PARVB: variants seen among roughly 807,000 people sequenced by gnomAD.
PARVB encodes the protein beta-parvin.
Under a neutral mutation model 47.0 loss-of-function variants are expected in PARVB, and 46 were observed. The observed-to-expected ratio is 0.98, with a 90% CI of 0.77 to 1.25. The LOEUF is 1.25. PARVB is among the 50% of genes most tolerant of loss of function. The pLI, the probability that PARVB is intolerant of heterozygous loss-of-function variation, is 0.00. For missense variants in PARVB, 473 were observed against 471.6 expected (o/e 1.00, Z -0.03); for synonymous variants, 196 against 196.3 (o/e 1.00, Z 0.01).
chr22:44,099,221 A>G (rs150912035), intron 2 of PARVB, among the ~76,000 whole-genome samples: 26 of 152,272 alleles, frequency 1.7e-4, no homozygotes, highest in African/African-American at 4.3e-4. Context: ...CAGGTCCCGG[A>G]GCTGGACAGT....
chr22:44,124,487 C>T (rs932320219), intron 4 of PARVB, among the ~76,000 whole-genome samples: 8 of 152,116 alleles, frequency 5.3e-5, no homozygotes, highest in Non-Finnish European at 1.0e-4. Flanking sequence ...AGGGTCTCCC[C>T]ATGGGCTGTC....
chr22:44,120,346 G>A (rs922988186), intron 4 of PARVB, among the ~76,000 whole-genome samples: 1 of 152,188 alleles, frequency 6.6e-6, no homozygotes, highest in Non-Finnish European at 1.5e-5. Flanking sequence ...TCTTTCATCT[G>A]GAACCGCCTT....
chr22:44,131,650 A>G (rs1300268657), intron 5 of PARVB, 23 bp downstream of exon 5: 6 of 1,590,766 alleles, frequency 3.8e-6, no homozygotes, highest in Non-Finnish European at 5.1e-6. Flanking sequence ...CCACAGGGGG[A>G]GGGACTGTCT....
At chr22:44,156,443 T>C (rs949134204) in intron 10 of PARVB, among the ~76,000 whole-genome samples, 1 of 152,014 alleles carries the variant, frequency 6.6e-6, no homozygotes. Flanking sequence ...CCACACCCGC[T>C]AATTTTTGTA....
chr22:44,021,756 GACTCACACACACACACACACACACAC>G (rs997650668), upstream of PARVB, among the ~76,000 whole-genome samples: 6 of 105,096 alleles, frequency 5.7e-5, no homozygotes, highest in South Asian at 8.6e-4. Flanking sequence ...GTAAAGTCTA[GACTCACACACACACACACACACACAC>G]ACACACACAC....
chr22:44,136,373 C>T (rs190594786), intron 6 of PARVB, 87 bp from the exon 7 acceptor site: 874 of 1,170,650 alleles, frequency 7.5e-4, no homozygotes, highest in South Asian at 1.7e-3. Context: ...AGATGATCTC[C>T]GGCCCCGCAG....
At position 44,100,163 on chromosome 22, in the gene PARVB, C is replaced by T. The variant is rs55853196; in HGVS notation, c.273+40C>T. The T allele has an allele frequency of 0.018, 26,875 of 1,526,796 alleles. 298 individuals are homozygous for T. The highest frequency in any genetic ancestry group is 0.044 in the Middle Eastern group (259 of 5,884). The allele number at this position is 1,526,796 out of a possible 1,614,324, so 94.6% of individuals were successfully genotyped here. A position where few individuals can be genotyped will look rare whatever the true frequency, so the allele number is the denominator to read the frequency against. The stretch of plus-strand genomic sequence containing the variant: ...CTTGGTTGGAATCTTCCTCTTAGGG[C>T]GAGGACTTGGCTTTGGGGTTCAGGG... On this transcript the variant is annotated intron_variant, in intron 3 of 12. Transcript: ENST00000338758.
chr22:44,087,961 G>A (rs5764511), intron 1 of PARVB, among the ~76,000 whole-genome samples: 5 of 150,574 alleles, frequency 3.3e-5, no homozygotes, highest in Admixed American at 1.3e-4. Context: ...GACGCTTCCC[G>A]AGGGGTGGCT....
chr22:44,171,167 G>A lies in PARVB; in HGVS notation c.*2489G>A, dbSNP rs2054264721. 6.6e-6 allele frequency: 1 copy of A among 152,376 alleles called. No individual in the cohort carries two copies. The highest frequency in any genetic ancestry group is 6.5e-5 in the Admixed American group (1 of 15,286). 9.4% of individuals were successfully genotyped at this position (152,376 alleles called of 1,614,324 possible). ...CCCTGCTCACAGGTGGACCTGGAGA[G>A]GGCACTGTGCCTTCCCAGGGATTGG... On this transcript the variant is annotated 3_prime_UTR_variant, in exon 13 of 13. Transcript: ENST00000338758.
chr22:44,008,790 C>T (rs543686273), intron 2 of PARVB, among the ~76,000 whole-genome samples: 1 of 151,940 alleles, frequency 6.6e-6, no homozygotes, highest in Admixed American at 6.6e-5. Flanking sequence ...TCGAGATCAT[C>T]ATGGCTAACA....
intron 1 of PARVB, among the ~76,000 whole-genome samples, chr22:44,054,378 C>G (rs1358555107): frequency 1.3e-5 from 2 of 152,170 alleles, no homozygotes; most frequent in African/African-American, 4.8e-5. Flanking sequence ...CAACGCTTGG[C>G]TAACTTTTAA....
intron 4 of PARVB, among the ~76,000 whole-genome samples, chr22:44,127,443 A>G (rs938202230): frequency 2.0e-5 from 3 of 152,228 alleles, no homozygotes; most frequent in Non-Finnish European, 2.9e-5. Context: ...GATGCCAGGA[A>G]TGACACTGAT....
chr22:44,151,350 T>A (rs1343919218), intron 9 of PARVB, 133 bp from the exon 10 acceptor site: 6 of 682,136 alleles, frequency 8.8e-6, no homozygotes, highest in Non-Finnish European at 1.6e-5. Flanking sequence ...AAACATGGGC[T>A]TTTTATTTTA....
chr22:44,074,092 AT>A (rs2051713242), intron 1 of PARVB, among the ~76,000 whole-genome samples: 1 of 152,184 alleles, frequency 6.6e-6, no homozygotes, highest in Admixed American at 6.5e-5. Flanking sequence ...AGATAACAGA[AT>A]GGCCGACTCT....
intron 1 of PARVB, among the ~76,000 whole-genome samples, chr22:44,033,988 G>C (rs995263618): frequency 1.8e-4 from 28 of 152,062 alleles, no homozygotes; most frequent in African/African-American, 6.3e-4. Flanking sequence ...CCCTGACAAG[G>C]CTGGAGAAAG....
intron 3 of PARVB, among the ~76,000 whole-genome samples, chr22:44,101,327 T>C (rs566977419): frequency 9.9e-5 from 15 of 151,570 alleles, no homozygotes; most frequent in Admixed American, 5.2e-4. Context: ...GAGAATGGCA[T>C]GAACCCCGGG....
chr22:44,084,186 T>TCAGTG (rs1555901026), intron 1 of PARVB, among the ~76,000 whole-genome samples: 1 of 152,176 alleles, frequency 6.6e-6, no homozygotes, highest in African/African-American at 2.4e-5. Flanking sequence ...TGGTAAAGTC[T>TCAGTG]CAGTGCAGTT....
chr22:44,038,251 C>T (rs2050955880), intron 1 of PARVB, among the ~76,000 whole-genome samples: 1 of 152,176 alleles, frequency 6.6e-6, no homozygotes, highest in African/African-American at 2.4e-5. Context: ...TGACCATTTA[C>T]AGTGATCTTT....
intron 1 of PARVB, among the ~76,000 whole-genome samples, chr22:44,050,009 C>T (rs1221262712): frequency 6.6e-6 from 1 of 152,180 alleles, no homozygotes; most frequent in Non-Finnish European, 1.5e-5. Context: ...CACCTGGACT[C>T]GCTGTCACTC....
Sources: gnomAD v4.1 joint callset for allele counts (sites outside exome capture counted in the v4.1 genomes callset) on GRCh38, gnomAD v4.1.1 for gene constraint, MANE v1.5 for transcripts, NCBI Gene and HGNC (gene_info 2026-07-23, HGNC 2026-07-21) for gene names.